Variants in UTP20 observed in about 807,000 individuals in gnomAD.
UTP20 encodes UTP20 small subunit processome component, also known as small subunit processome component 20 homolog.
A neutral mutation model predicts 329.5 loss-of-function variants in UTP20; 164 were observed. The observed-to-expected ratio is 0.50, with a 90% CI of 0.44 to 0.57. UTP20 has a LOEUF of 0.57. Among genes scored for constraint, UTP20 ranks in the 20% least tolerant of loss-of-function variants. The pLI is 0.00. For synonymous variants in UTP20, 1,151 were observed against 1,159.3 expected (o/e 0.99, Z 0.14); for missense variants, 3,055 against 3,284.2 (o/e 0.93, Z 1.71).
intron 2 of UTP20, among the ~76,000 whole-genome samples, chr12:101,284,971 T>C (rs1871913235): frequency 6.6e-6 from 1 of 152,220 alleles, no homozygotes; most frequent in Admixed American, 6.5e-5. Flanking sequence ...TCTAGTTCAA[T>C]AGAGATATAG....
chr12:101,379,627 T>C, intron 57 of UTP20, 69 bp downstream of exon 57: 1 of 1,502,808 alleles, frequency 6.7e-7, no homozygotes, highest in Non-Finnish European at 9.0e-7. Flanking sequence ...CATGTAACTA[T>C]CTTCGGGCCA....
chr12:101,348,159 A>T (rs532305095), intron 38 of UTP20, among the ~76,000 whole-genome samples: 1 of 152,184 alleles, frequency 6.6e-6, no homozygotes, highest in African/African-American at 2.4e-5. Flanking sequence ...TATATTTTTA[A>T]CCTAATTATG....
chr12:101,366,192 A>G (rs1441413639), intron 46 of UTP20, among the ~76,000 whole-genome samples: 3 of 152,206 alleles, frequency 2.0e-5, no homozygotes, highest in African/African-American at 7.2e-5. Flanking sequence ...AGATCGCGCC[A>G]CTGTACTCCA....
At chr12:101,308,433 T>TAAC (rs1349877747) in intron 18 of UTP20, 90 bp downstream of exon 18, 2 of 651,630 alleles carry the variant, frequency 3.1e-6, no homozygotes, top group Non-Finnish European at 4.0e-6. Flanking sequence ...AAAATAATAA[T>TAAC]AATAATAATA....
chr12:101,361,602 C>G (rs1979269), intron 43 of UTP20, among the ~76,000 whole-genome samples: 92,585 of 151,240 alleles, frequency 0.61, 30,567 homozygotes, highest in East Asian at 0.94. Flanking sequence ...CTCCAGCCTG[C>G]GCTACAAGAG....
At chr12:101,351,049 CTTTA>C (rs924433093) in intron 38 of UTP20, among the ~76,000 whole-genome samples, 2 of 152,058 alleles carry the variant, frequency 1.3e-5, no homozygotes, top group Non-Finnish European at 2.9e-5. Flanking sequence ...ATAAGCCTCA[CTTTA>C]TTTATTTCTT....
Position 101,363,680 on chromosome 12 carries a change from T to A in UTP20, c.5895T>A (p.Tyr1965Ter), listed in dbSNP as rs774258571. ...EARRSKSYDS[Y>*]EILGKFVGKD... ...GAAGAAGCAAAAGTTACGACTCTTA[T>A]GAAATCCTCGGCAAGTTTGTAGGAA... Residue 1965 changes from tyrosine to a stop codon, truncating the protein, a stop_gained, in exon 45 of 62, where the codon TAT (tyrosine) becomes TAA (stop). Coordinates refer to ENST00000261637, the MANE Select transcript of UTP20 (RefSeq NM_014503.3). LOFTEE classifies it high-confidence loss of function. 1 of 1,613,258 alleles carries A rather than the reference T, an allele frequency of 6.2e-7. No individual in the cohort carries two copies. The highest frequency in any genetic ancestry group is 1.3e-5 in the African/African-American group (1 of 75,032).
chr12:101,375,582 C>T (rs1470863759), intron 55 of UTP20, 42 bp from the exon 56 acceptor site: 1 of 1,602,802 alleles, frequency 6.2e-7, no homozygotes, highest in Non-Finnish European at 8.5e-7. Context: ...CAGATACTTT[C>T]AGATTGTTGT....
chr12:101,346,811 G>A (rs1029975672), intron 38 of UTP20, among the ~76,000 whole-genome samples: 1 of 152,162 alleles, frequency 6.6e-6, no homozygotes, highest in African/African-American at 2.4e-5. Context: ...AAGGCCGAGC[G>A]CAAAATATTC....
intron 12 of UTP20, among the ~76,000 whole-genome samples, chr12:101,296,223 G>A (rs2137239123): frequency 6.6e-6 from 1 of 152,306 alleles, no homozygotes; most frequent in South Asian, 2.1e-4. Flanking sequence ...CACCACCAGA[G>A]TGAATATCTG....
chr12:101,295,458 A>ATTT, intron 11 of UTP20, 22 bp from the exon 12 acceptor site: 1 of 1,454,612 alleles, frequency 6.9e-7, no homozygotes, highest in African/African-American at 1.4e-5. Context: ...AATAAGTGTG[A>ATTT]TTTTTTTTTT....
chr12:101,326,913 C>G, intron 25 of UTP20, 168 bp from the exon 26 acceptor site: 1 of 741,048 alleles, frequency 1.3e-6, no homozygotes, highest in Non-Finnish European at 2.0e-6. Context: ...TTGTTGTTGA[C>G]TTTTTTCATT....
At chr12:101,356,781 G>C in intron 42 of UTP20, 88 bp downstream of exon 42, 3 of 1,515,856 alleles carry the variant, frequency 2.0e-6, no homozygotes. Context: ...GTCAGGAAGA[G>C]GAAAAAGTAC....
At chr12:101,334,679 A>T (rs1453884575) in intron 29 of UTP20, among the ~76,000 whole-genome samples, 175 bp downstream of exon 29, 1 of 152,208 alleles carries the variant, frequency 6.6e-6, no homozygotes, top group Non-Finnish European at 1.5e-5. Context: ...CAAAATACAT[A>T]GTTTAAAGAA....
chr12:101,286,355 G>T lies in UTP20; in HGVS notation c.361G>T (p.Asp121Tyr). The T allele has an allele frequency of 6.2e-7, 1 of 1,612,168 alleles. No homozygotes were observed. The highest frequency in any genetic ancestry group is 2.2e-5 in the East Asian group (1 of 44,836). ...ACAGTTGGCACGAGATCTGCAGATGGATTTCTACCCACACTTTCCAGAGTT... is the reference window on the plus strand; with the variant it reads ...ACAGTTGGCACGAGATCTGCAGATGTATTTCTACCCACACTTTCCAGAGTT... ...VVQLARDLQM[D>Y]FYPHFPEFFL... The change falls in exon 5 of 62, where the codon GAT (aspartate) becomes TAT (tyrosine). Residue 121 changes from aspartate (D) to tyrosine (Y), a missense_variant. Asp to Tyr is a radical substitution (Grantham distance 160). Transcript: ENST00000261637.
chr12:101,306,144 C>G, intron 16 of UTP20, 79 bp downstream of exon 16: 1 of 1,421,388 alleles, frequency 7.0e-7, no homozygotes, highest in South Asian at 1.6e-5. Context: ...TTCAGAGCAT[C>G]TTAGTTAGAA....
intron 25 of UTP20, among the ~76,000 whole-genome samples, chr12:101,326,007 C>T (rs1378654201): frequency 1.3e-5 from 2 of 152,066 alleles, no homozygotes; most frequent in Non-Finnish European, 2.9e-5. Context: ...ACTTAGTAAA[C>T]GAATATTTTC....
At chr12:101,367,529 T>A (rs1204768818) in intron 47 of UTP20, among the ~76,000 whole-genome samples, 1 of 152,088 alleles carries the variant, frequency 6.6e-6, no homozygotes, top group Non-Finnish European at 1.5e-5. Context: ...ACATCATCAT[T>A]TCCTTAGAGT....
chr12:101,311,549 C>T (rs10778111), intron 19 of UTP20, among the ~76,000 whole-genome samples, 170 bp from the exon 20 acceptor site: 18,306 of 152,016 alleles, frequency 0.12, 2,434 homozygotes, highest in East Asian at 0.47. Context: ...GTGCTCAGTG[C>T]AGGCATTTTG....
Sources: gnomAD v4.1 joint callset for allele counts (sites outside exome capture counted in the v4.1 genomes callset) on GRCh38, gnomAD v4.1.1 for gene constraint, MANE v1.5 for transcripts, NCBI Gene and HGNC (gene_info 2026-07-23, HGNC 2026-07-21) for gene names.